Variants in CHP2 observed in about 807,000 individuals in gnomAD.
CHP2 encodes the protein calcineurin like EF-hand protein 2, also known as calcineurin B homologous protein 2.
Under a neutral mutation model 24.7 loss-of-function variants are expected in CHP2, and 31 were observed. That is an observed-to-expected ratio of 1.26 (90% CI 0.94 to 1.69). The LOEUF is 1.69. CHP2 is among the 40% of genes most tolerant of loss of function. The pLI, the probability that CHP2 is intolerant of heterozygous loss-of-function variation, is 0.00. For missense variants in CHP2, 319 were observed against 261.5 expected, an observed-to-expected ratio of 1.22 and a Z score of -1.52; for synonymous variants, 97 against 99.1, an observed-to-expected ratio of 0.98 and a Z score of 0.13.
chr16:23,757,651 G>A lies in CHP2; in HGVS notation c.*68G>A. 2 of 1,291,960 alleles carry A rather than the reference G, an allele frequency of 1.5e-6. No homozygotes were observed. Among genetic ancestry groups the A allele is most frequent in the South Asian group, 1.2e-5 (1 of 84,618 alleles). 80.0% of individuals were successfully genotyped at this position (1,291,960 alleles called of 1,614,324 possible). A position where few individuals can be genotyped will look rare whatever the true frequency, so the allele number is the denominator to read the frequency against. The stretch of plus-strand genomic sequence containing the variant: ...TTGGAATTCATCCAAAGCCCCCATG[G>A]ACGCATGGACGCAGGGCGACAATAA... On this transcript the variant is annotated 3_prime_UTR_variant, in exon 7 of 7. Coordinates refer to ENST00000300113, the MANE Select transcript of CHP2 (RefSeq NM_022097.4).
At position 23,755,059 on chromosome 16, in the gene CHP2, C is replaced by T. The variant is rs578091900; in HGVS notation, c.10C>T (p.Arg4Cys). 20 of 1,596,072 alleles carry T rather than the reference C, an allele frequency of 1.3e-5. No individual in the cohort carries two copies. In the African/African-American group the frequency reaches 2.4e-4, roughly 20 times the overall value. ...CGCCTCCAGCTCGGCCATGGGGTCG[C>T]GCAGCTCCCACGCCGCGGTCATTCC... MGSRSSHAAVIPDG... is the reference protein window; with the variant it reads MGSCSSHAAVIPDG... The change falls in exon 1 of 7, where the codon CGC (arginine) becomes TGC (cysteine). Residue 4 changes from arginine to cysteine, a missense_variant. Coordinates refer to ENST00000300113, the MANE Select transcript of CHP2 (RefSeq NM_022097.4).
chr16:23,755,464 CG>C (rs1961208274), intron 1 of CHP2, 196 bp from the exon 2 acceptor site: 2 of 612,160 alleles, frequency 3.3e-6, no homozygotes, highest in Non-Finnish European at 5.8e-6. Context: ...GCGAGCCGCC[CG>C]GGTCTTGAAC....
In CHP2 at chr16:23,757,512, C is replaced by T. The variant is rs370798989; in HGVS notation, c.538-18C>T. 2.5e-6 allele frequency: 4 copies of T among 1,613,232 alleles called. No individual in the cohort carries two copies. In the African/African-American group the frequency reaches 5.3e-5, roughly 22 times the overall value. Reference sequence around the variant, plus strand: ...GCTGAGAGTCAAGCCTCTTGCCTGCCATTTGTTTTTCCCTCAGTCCTTAGA... The same window carrying T: ...GCTGAGAGTCAAGCCTCTTGCCTGCTATTTGTTTTTCCCTCAGTCCTTAGA... On this transcript the variant is annotated intron_variant, in intron 6 of 6. Coordinates refer to ENST00000300113, the MANE Select transcript of CHP2 (RefSeq NM_022097.4).
At chr16:23,755,226 G>A in intron 1 of CHP2, 110 bp downstream of exon 1, 2 of 766,328 alleles carry the variant, frequency 2.6e-6, no homozygotes, top group Admixed American at 2.8e-5. Context: ...TCTGGGGTCC[G>A]GGGCTCCCCG....
chr16:23,757,273 G>C lies in CHP2; in HGVS notation c.487G>C (p.Glu163Gln), dbSNP rs2141044545. The C allele has an allele frequency of 6.2e-6, 10 of 1,614,036 alleles. No homozygotes were observed. The highest frequency in any genetic ancestry group is 8.5e-6 in the Non-Finnish European group (10 of 1,180,000). The change falls in exon 6 of 7, where the codon GAG becomes CAG. Residue 163 changes from glutamate (E) to glutamine (Q), a missense_variant. Physicochemically the swap from Glu to Gln is conservative, Grantham distance 29 (BLOSUM62 2). Transcript: ENST00000300113. ...GAACATCGCTGACCGCACGGTGCAG[G>C]AGGCTGATGAAGATGGGGATGGGGC... is the stretch of plus-strand genomic sequence containing the variant. ...LENIADRTVQ[E>Q]ADEDGDGAVS...
chr16:23,757,459 C>G lies in CHP2; in HGVS notation c.538-71C>G, dbSNP rs1040451402. 5 of 1,587,456 alleles carry G rather than the reference C, an allele frequency of 3.1e-6. No homozygotes were observed. In the African/African-American group the frequency reaches 6.7e-5, roughly 21 times the overall value. On this transcript the variant is annotated intron_variant, in intron 6 of 6. Transcript: ENST00000300113. Reference sequence around the variant, plus strand: ...TGGGGTCTCTGGAATGGGTAGAACCCTGGGGGAGGAGGTTGGGAGCATGGA... The same window carrying G: ...TGGGGTCTCTGGAATGGGTAGAACCGTGGGGGAGGAGGTTGGGAGCATGGA...
intron 3 of CHP2, 31 bp downstream of exon 3, chr16:23,755,958 G>T: frequency 6.2e-7 from 1 of 1,614,062 alleles, no homozygotes. Flanking sequence ...GGAGGTGAAG[G>T]CGGGAAAACC....
chr16:23,758,281 G>T lies in CHP2; in HGVS notation c.*698G>T, dbSNP rs550084738. 5 of 152,336 alleles carry T rather than the reference G, an allele frequency of 3.3e-5. No individual in the cohort carries two copies. The highest frequency in any genetic ancestry group is 1.2e-4 in the African/African-American group (5 of 41,550). 9.4% of individuals were successfully genotyped at this position (152,336 alleles called of 1,614,324 possible). ...TGAATCAGCCAGCAATATTTTAGTT[G>T]CAAATCACTGAAAACCCAACTCAAA... is the stretch of plus-strand genomic sequence containing the variant. On this transcript the variant is annotated 3_prime_UTR_variant, in exon 7 of 7. Transcript: ENST00000300113.
rs1462061198 is a variant in CHP2 at position 23,755,676 on chromosome 16, T to C, written c.83T>C (p.Leu28Pro). 3.1e-6 allele frequency: 5 copies of C among 1,613,952 alleles called. No homozygotes were observed. The African/African-American group carries it at 5.3e-5, about 17-fold the overall frequency. ...CTTCCCGCAGTCTCCCAAGCCAGCC[T>C]GCTCCGCCTGCACCACCGGTTCCGG... ...RRETGFSQASLLRLHHRFRAL... is the reference protein window; with the variant it reads ...RRETGFSQASPLRLHHRFRAL... The change falls in exon 2 of 7, where the codon CTG becomes CCG. Residue 28 changes from leucine to proline, a missense_variant. Leu to Pro is a moderately conservative substitution (Grantham distance 98). Coordinates refer to ENST00000300113, the MANE Select transcript of CHP2 (RefSeq NM_022097.4).
chr16:23,757,474 G>A, intron 6 of CHP2, 56 bp from the exon 7 acceptor site: 3 of 1,592,712 alleles, frequency 1.9e-6, no homozygotes, highest in Non-Finnish European at 1.7e-6. Flanking sequence ...GGAGGAGGTT[G>A]GGAGCATGGA....
chr16:23,758,747 A>T lies in CHP2; in HGVS notation c.*1164A>T, dbSNP rs766339738. ...GCTTAAAGGAAAATGAAATACAATTAGCAGAATAAGGGGAAACGAGTGGTC... is the reference window on the plus strand; with the variant it reads ...GCTTAAAGGAAAATGAAATACAATTTGCAGAATAAGGGGAAACGAGTGGTC... On this transcript the variant is annotated 3_prime_UTR_variant, in exon 7 of 7. Coordinates refer to ENST00000300113, the MANE Select transcript of CHP2 (RefSeq NM_022097.4). The T allele has an allele frequency of 3.9e-5, 6 of 152,260 alleles. No individual in the cohort carries two copies. The highest frequency in any genetic ancestry group is 5.9e-5 in the Non-Finnish European group (4 of 68,084). The allele number at this position is 152,260 out of a possible 1,614,324, so 9.4% of individuals were successfully genotyped here.
Position 23,756,139 on chromosome 16 carries a change from A to G in CHP2, c.298A>G (p.Thr100Ala). ...CCCTGTAGAAGATGAGGACACAGAA[A>G]CCCAAGACCCCAAGAAACCTGAACC... is the stretch of plus-strand genomic sequence containing the variant. ...FRPVEDEDTE[T>A]QDPKKPEPLN... is the part of the protein sequence containing the mutation. Residue 100 changes from threonine (T) to alanine (A), a missense_variant, in exon 4 of 7, where the codon ACC becomes GCC. By Grantham distance (58) the Thr-to-Ala change is moderately conservative (BLOSUM62 0). Transcript: ENST00000300113. 6.2e-7 allele frequency: 1 copy of G among 1,614,160 alleles called. No homozygotes were observed. Among genetic ancestry groups the G allele is most frequent in the Non-Finnish European group, 8.5e-7 (1 of 1,180,026 alleles).
Position 23,755,124 on chromosome 16 carries a change from C to T in CHP2, c.67+8C>T. 1 of 1,594,460 alleles carries T rather than the reference C, an allele frequency of 6.3e-7. No individual in the cohort carries two copies. The highest frequency in any genetic ancestry group is 1.4e-5 in the African/African-American group (1 of 73,588). ...TTCGGCGAGAGACCGGCTGTGAGTG[C>T]GCCCGCGTCGGCGGCTGCGGAGGGG... On this transcript the variant is annotated splice_region_variant and intron_variant, in intron 1 of 6. Coordinates refer to ENST00000300113, the MANE Select transcript of CHP2 (RefSeq NM_022097.4).
chr16:23,755,207 A>C, intron 1 of CHP2, 91 bp downstream of exon 1: 1 of 933,960 alleles, frequency 1.1e-6, no homozygotes, highest in Non-Finnish European at 1.6e-6. Flanking sequence ...GGATGGACGA[A>C]CTTACAAGTC....
rs1469613109 is a variant in CHP2 at position 23,756,063 on chromosome 16, G to C, written c.222G>C (p.Gly74=). 6.2e-7 allele frequency: 1 copy of C among 1,613,940 alleles called. No individual in the cohort carries two copies. The highest frequency in any genetic ancestry group is 1.3e-5 in the African/African-American group (1 of 74,888). Residue 74 remains glycine (G), a splice_region_variant and synonymous_variant, in exon 4 of 7, where the codon GGG becomes GGC. Coordinates refer to ENST00000300113, the MANE Select transcript of CHP2 (RefSeq NM_022097.4). ...DRIIESFFPD[G]SQRVDFPGFV... is the part of the protein sequence containing the mutation. ...TTTCCATTCTGTCCCGTCTCCCCAG[G>C]AGCCAGCGAGTGGATTTCCCAGGCT...
At position 23,757,970 on chromosome 16, in the gene CHP2, G is replaced by A; in HGVS notation, c.*387G>A. 3.0e-6 allele frequency: 1 copy of A among 336,708 alleles called. No homozygotes were observed. Among genetic ancestry groups the A allele is most frequent in the South Asian group, 2.8e-5 (1 of 35,868 alleles). 20.9% of individuals were successfully genotyped at this position (336,708 alleles called of 1,614,324 possible). A position where few individuals can be genotyped will look rare whatever the true frequency, so the allele number is the denominator to read the frequency against. On this transcript the variant is annotated 3_prime_UTR_variant, in exon 7 of 7. Coordinates refer to ENST00000300113, the MANE Select transcript of CHP2 (RefSeq NM_022097.4). The stretch of plus-strand genomic sequence containing the variant: ...TGCAATTAGACGGTCCCATATGGGA[G>A]TGATGGGAGACAGTGACAGATCATC...
In CHP2 at chr16:23,755,753, A is replaced by G. The variant is rs1481417840; in HGVS notation, c.140+20A>G. ...CCTGAGGTGAGGGGGAGCCGGCCTC[A>G]TAACTTCTGGCCTCTGTCTCTCTGA... On this transcript the variant is annotated intron_variant, in intron 2 of 6. Coordinates refer to ENST00000300113, the MANE Select transcript of CHP2 (RefSeq NM_022097.4). 2 of 1,613,970 alleles carry G rather than the reference A, an allele frequency of 1.2e-6. No individual in the cohort carries two copies. The highest frequency in any genetic ancestry group is 4.5e-5 in the East Asian group (2 of 44,874).
At chr16:23,755,349 A>G (rs1374292206) in intron 1 of CHP2, 3 of 596,828 alleles carry the variant, frequency 5.0e-6, no homozygotes, top group African/African-American at 1.9e-5. Context: ...GTCGGAGTCC[A>G]GAGGAATCCA....
chr16:23,756,377 C>T lies in CHP2; in HGVS notation c.353-11C>T, dbSNP rs780473840. ...ACCTACCTTCCTTTCCCCCTCCCAC[C>T]CTCTCCCCAGATGCATTTCAGCTCT... On this transcript the variant is annotated splice_polypyrimidine_tract_variant and intron_variant, in intron 4 of 6. Transcript: ENST00000300113. The T allele has an allele frequency of 3.7e-6, 6 of 1,611,516 alleles. No individual in the cohort carries two copies. Among genetic ancestry groups the T allele is most frequent in the East Asian group, 2.2e-5 (1 of 44,760 alleles).
Sources: gnomAD v4.1 joint callset for allele counts on GRCh38, gnomAD v4.1.1 for gene constraint, MANE v1.5 for transcripts, NCBI Gene and HGNC (gene_info 2026-07-23, HGNC 2026-07-21) for gene names.